The following CFAP95 variants were observed in gnomAD, a reference collection of about 807,000 sequenced individuals.
The protein encoded by CFAP95 is cilia- and flagella-associated protein 95.
chr9:69,881,546 A>G, the CFAP95 span, among the ~76,000 whole-genome samples: 2 of 152,092 alleles, frequency 1.3e-5, no homozygotes, highest in Admixed American at 6.6e-5. Flanking sequence ...TGCTAATACC[A>G]TGCTGTTTTG....
chr9:69,886,761 A>G, the CFAP95 span: 9 of 1,020,812 alleles, frequency 8.8e-6, no homozygotes, highest in Admixed American at 1.4e-4. Flanking sequence ...TATTTCATGT[A>G]AAGTGTATAC....
At chr9:69,897,420 G>C in the CFAP95 span, among the ~76,000 whole-genome samples, 1 of 152,154 alleles carries the variant, frequency 6.6e-6, no homozygotes, top group Non-Finnish European at 1.5e-5. Context: ...TGGATGATCT[G>C]GATGAAGGAA....
chr9:69,848,021 T>C, the CFAP95 span, among the ~76,000 whole-genome samples: 2 of 152,252 alleles, frequency 1.3e-5, no homozygotes, highest in East Asian at 1.9e-4. Context: ...ATGAGGGATA[T>C]AAGAGAATTG....
chr9:69,871,225 A>G, the CFAP95 span, among the ~76,000 whole-genome samples: 3 of 152,046 alleles, frequency 2.0e-5, no homozygotes, highest in African/African-American at 7.2e-5. Flanking sequence ...CTCAAATAAA[A>G]ATAAAATAAT....
chr9:69,877,385 A>G, the CFAP95 span, among the ~76,000 whole-genome samples: 1 of 152,230 alleles, frequency 6.6e-6, no homozygotes. Context: ...TTAGATTGGA[A>G]GTGCTTTAAA....
the CFAP95 span, among the ~76,000 whole-genome samples, chr9:69,822,138 T>C: frequency 8.5e-5 from 13 of 152,176 alleles, no homozygotes; most frequent in African/African-American, 2.9e-4. Context: ...CTGCTGTTGA[T>C]AGTAATTACA....
At chr9:69,838,049 C>T in the CFAP95 span, among the ~76,000 whole-genome samples, 1 of 152,132 alleles carries the variant, frequency 6.6e-6, no homozygotes, top group African/African-American at 2.4e-5. Context: ...TGTAGATATG[C>T]AGCATTATTT....
the CFAP95 span, among the ~76,000 whole-genome samples, chr9:69,895,363 CTCTCTCTGTG>C: frequency 4.3e-4 from 39 of 90,216 alleles, no homozygotes; most frequent in African/African-American, 1.5e-3. Context: ...CTCTCTCTCT[CTCTCTCTGTG>C]TGTGTGTGTG....
the CFAP95 span, among the ~76,000 whole-genome samples, chr9:69,849,015 C>T: frequency 6.6e-6 from 1 of 152,162 alleles, no homozygotes. Flanking sequence ...TTATAAGTCC[C>T]ACTTGTTCAA....
At chr9:69,841,667 A>T in the CFAP95 span, among the ~76,000 whole-genome samples, 1 of 152,222 alleles carries the variant, frequency 6.6e-6, no homozygotes, top group South Asian at 2.1e-4. Flanking sequence ...TGGGTAATTT[A>T]TAAAGGAAAG....
At chr9:69,897,350 C>T in the CFAP95 span, among the ~76,000 whole-genome samples, 195 of 152,124 alleles carry the variant, frequency 1.3e-3, no homozygotes, top group Middle Eastern at 0.01. Context: ...TAATGGTGGA[C>T]GCAAGGTTAG....
chr9:69,888,662 G>A, the CFAP95 span, among the ~76,000 whole-genome samples: 1 of 152,232 alleles, frequency 6.6e-6, no homozygotes, highest in South Asian at 2.1e-4. Context: ...GATCACTTGA[G>A]GTCAGACATT....
At chr9:69,834,581 C>T in the CFAP95 span, among the ~76,000 whole-genome samples, 6 of 152,226 alleles carry the variant, frequency 3.9e-5, no homozygotes, top group African/African-American at 1.4e-4. Flanking sequence ...AAGCCTCCAA[C>T]TGTTGTATTC....
At chr9:69,883,225 C>T in the CFAP95 span, among the ~76,000 whole-genome samples, 9 of 152,246 alleles carry the variant, frequency 5.9e-5, no homozygotes, top group South Asian at 1.5e-3. Flanking sequence ...GGCTTCTGGC[C>T]GATTTCCGTC....
chr9:69,833,515 C>G, the CFAP95 span, among the ~76,000 whole-genome samples: 2 of 152,098 alleles, frequency 1.3e-5, no homozygotes, highest in East Asian at 3.8e-4. Context: ...TATATACATA[C>G]TATTTAGTCT....
chr9:69,882,593 A>G, the CFAP95 span, among the ~76,000 whole-genome samples: 1 of 152,160 alleles, frequency 6.6e-6, no homozygotes, highest in African/African-American at 2.4e-5. Context: ...CTGTCATATA[A>G]AGCTTTCATT....
the CFAP95 span, among the ~76,000 whole-genome samples, chr9:69,889,605 A>G: frequency 6.6e-6 from 1 of 151,968 alleles, no homozygotes; most frequent in African/African-American, 2.4e-5. Context: ...CTAGCCTCTG[A>G]ATTGTTGGGA....
At chr9:69,884,314 C>T in the CFAP95 span, 1 of 152,138 alleles carries the variant, frequency 6.6e-6, no homozygotes, top group Non-Finnish European at 1.5e-5. Flanking sequence ...CTCTCTGTCA[C>T]CTGTGCTGGT....
At chr9:69,831,708 T>A in the CFAP95 span, among the ~76,000 whole-genome samples, 1 of 151,874 alleles carries the variant, frequency 6.6e-6, no homozygotes, top group Admixed American at 6.6e-5. Context: ...TCAGAGGAGG[T>A]TCACCTGGTT....
Sources: allele counts gnomAD v4.1 joint callset (sites outside exome capture counted in the v4.1 genomes callset), GRCh38; gene constraint gnomAD v4.1.1; transcripts MANE v1.5; gene names NCBI Gene and HGNC (gene_info 2026-07-23, HGNC 2026-07-21).